Variants in MYEF2 observed in about 807,000 individuals in gnomAD.
The protein encoded by MYEF2 is myelin gene expression factor 2.
Under a neutral mutation model 75.2 loss-of-function variants are expected in MYEF2, and 37 were observed. That is an observed-to-expected ratio of 0.49 (90% CI 0.38 to 0.65). MYEF2 has a LOEUF of 0.65. Among genes scored for constraint, MYEF2 ranks in the 30% least tolerant of loss-of-function variants. MYEF2 has a pLI of 0.00. For missense variants in MYEF2, 634 were observed against 771.4 expected, an observed-to-expected ratio of 0.82 and a Z score of 2.11; for synonymous variants, 195 against 241.6, an observed-to-expected ratio of 0.81 and a Z score of 1.79.
At chr15:48,156,330 A>G (rs2039694537) in intron 9 of MYEF2, among the ~76,000 whole-genome samples, 1 of 152,176 alleles carries the variant, frequency 6.6e-6, no homozygotes, top group Admixed American at 6.5e-5. Flanking sequence ...TGAATACTCT[A>G]TTAAAACCGA....
At position 48,142,493 on chromosome 15, in the gene MYEF2, C is replaced by T; in HGVS notation, c.*415G>A. On this transcript the variant is annotated 3_prime_UTR_variant, in exon 17 of 17. Transcript: ENST00000324324. ...AGTAATTTAAAACCAACCAAAATCA[C>T]ATCCTAATTTTTCTGAGCCCTTTCT... is the stretch of plus-strand genomic sequence containing the variant. The T allele has an allele frequency of 1.6e-6, 1 of 614,252 alleles. No individual in the cohort carries two copies. The highest frequency in any genetic ancestry group is 2.6e-6 in the Non-Finnish European group (1 of 392,032). The allele number at this position is 614,252 out of a possible 1,614,324, so 38.1% of individuals were successfully genotyped here.
At chr15:48,163,600 T>C (rs2040031246) in intron 5 of MYEF2, among the ~76,000 whole-genome samples, 1 of 152,200 alleles carries the variant, frequency 6.6e-6, no homozygotes, top group East Asian at 1.9e-4. Context: ...AACAGTCTTC[T>C]ATAGAAAGAA....
chr15:48,164,968 G>A (rs1248536027), intron 5 of MYEF2, among the ~76,000 whole-genome samples: 1 of 152,098 alleles, frequency 6.6e-6, no homozygotes, highest in African/African-American at 2.4e-5. Flanking sequence ...GCAGTAGTCT[G>A]GAACCAAACC....
chr15:48,159,698 G>C lies in MYEF2; in HGVS notation c.632C>G (p.Ser211Cys), dbSNP rs140996409. 1.6e-4 allele frequency: 266 copies of C among 1,613,544 alleles called. No homozygotes were observed. Among genetic ancestry groups the C allele is most frequent in the Non-Finnish European group, 2.2e-4 (258 of 1,179,736 alleles). ...AGGAATGTTTGGATTATTGAGTATG[G>C]AAGGTGGTAAATTCATCAACCCTGA... ...MGSGLMNLPP[S>C]ILNNPNIPPE... Residue 211 changes from serine (S) to cysteine (C), a missense_variant, in exon 6 of 17, where the codon TCC (serine) becomes TGC (cysteine). By Grantham distance (112) the Ser-to-Cys change is moderately radical. Coordinates refer to ENST00000324324, the MANE Select transcript of MYEF2 (RefSeq NM_016132.5).
At position 48,136,508 on chromosome 15, in the gene MYEF2, A is replaced by G. The variant is rs535314741; in HGVS notation, c.*6400T>C. The G allele has an allele frequency of 3.9e-6, 2 of 516,864 alleles. No individual in the cohort carries two copies. Among genetic ancestry groups the G allele is most frequent in the African/African-American group, 2.0e-5 (1 of 50,980 alleles). The allele number at this position is 516,864 out of a possible 1,614,324, so 32.0% of individuals were successfully genotyped here. A position where few individuals can be genotyped will look rare whatever the true frequency, so the allele number is the denominator to read the frequency against. On this transcript the variant is annotated 3_prime_UTR_variant, in exon 17 of 17. Transcript: ENST00000324324. ...AAGTGTCCAGCTTTTATCAATAAAC[A>G]TAATAATGCTGTAATCAAGTCTGGA...
intron 3 of MYEF2, 28 bp from the exon 4 acceptor site, chr15:48,166,156 T>C (rs752269755): frequency 1.3e-6 from 2 of 1,546,474 alleles, no homozygotes; most frequent in Non-Finnish European, 1.8e-6. Context: ...TGTCAAAATA[T>C]GCAAAAGAAA....
Position 48,166,004 on chromosome 15 carries a change from C to T in MYEF2, c.454G>A (p.Glu152Lys). 1 of 1,597,452 alleles carries T rather than the reference C, an allele frequency of 6.3e-7. No individual in the cohort carries two copies. Among genetic ancestry groups the T allele is most frequent in the Non-Finnish European group, 8.5e-7 (1 of 1,171,042 alleles). Residue 152 changes from glutamate to lysine, a missense_variant, in exon 5 of 17, where the codon GAA becomes AAA. Transcript: ENST00000324324. ...GCGVVEFKDE[E>K]FVKKALETMN... ...GTTTCTAGGGCTTTCTTTACAAATT[C>T]TTCATCTTTGAATTCAACCACACTT...
At chr15:48,173,083 T>C (rs911077608) in intron 1 of MYEF2, among the ~76,000 whole-genome samples, 1 of 152,142 alleles carries the variant, frequency 6.6e-6, no homozygotes, top group African/African-American at 2.4e-5. Flanking sequence ...TGATCACAGA[T>C]GTGAAAATTC....
At chr15:48,160,036 C>T (rs1308298337) in intron 5 of MYEF2, among the ~76,000 whole-genome samples, 1 of 151,974 alleles carries the variant, frequency 6.6e-6, no homozygotes, top group Non-Finnish European at 1.5e-5. Context: ...TCACTAAAGC[C>T]ACTTAAGAAC....
intron 16 of MYEF2, among the ~76,000 whole-genome samples, chr15:48,144,724 T>C (rs1025193798): frequency 1.3e-5 from 2 of 151,846 alleles, no homozygotes; most frequent in Non-Finnish European, 2.9e-5. Context: ...CCTCTTAATA[T>C]CTTGAATGCT....
In MYEF2 at chr15:48,159,594, G is replaced by A. The variant is rs778293695; in HGVS notation, c.717+19C>T. The A allele has an allele frequency of 9.4e-6, 15 of 1,602,510 alleles. No individual in the cohort carries two copies. Among genetic ancestry groups the A allele is most frequent in the Non-Finnish European group, 1.3e-5 (15 of 1,174,076 alleles). Reference sequence around the variant, plus strand: ...CTATCTATCTGAATGACAAATTTTAGACTAAAGCTTGAACTTACATTGGCA... The same window carrying A: ...CTATCTATCTGAATGACAAATTTTAAACTAAAGCTTGAACTTACATTGGCA... On this transcript the variant is annotated intron_variant, in intron 6 of 16. Coordinates refer to ENST00000324324, the MANE Select transcript of MYEF2 (RefSeq NM_016132.5).
chr15:48,152,696 C>T (rs1241788992), intron 10 of MYEF2: 2 of 162,432 alleles, frequency 1.2e-5, no homozygotes, highest in South Asian at 2.0e-4. Flanking sequence ...CTAAACATCG[C>T]AGTTAAAAGA....
intron 10 of MYEF2, 91 bp from the exon 11 acceptor site, chr15:48,152,375 T>G (rs1359264533): frequency 9.4e-7 from 1 of 1,064,466 alleles, no homozygotes; most frequent in African/African-American, 1.6e-5. Context: ...TAGATACCAC[T>G]GGTATAACCA....
intron 14 of MYEF2, among the ~76,000 whole-genome samples, chr15:48,150,247 T>C (rs2039441531): frequency 6.6e-6 from 1 of 151,718 alleles, no homozygotes; most frequent in South Asian, 2.1e-4. Flanking sequence ...AACACTGAGA[T>C]AAAAGAGGAA....
intron 1 of MYEF2, among the ~76,000 whole-genome samples, chr15:48,170,372 C>T (rs1169284432): frequency 2.0e-5 from 3 of 151,914 alleles, no homozygotes; most frequent in African/African-American, 4.8e-5. Flanking sequence ...GTGATCCACC[C>T]GCCTCGGCCT....
chr15:48,158,891 T>C lies in MYEF2; in HGVS notation c.749A>G (p.Lys250Arg). 6.2e-7 allele frequency: 1 copy of C among 1,613,590 alleles called. No homozygotes were observed. The highest frequency in any genetic ancestry group is 8.5e-7 in the Non-Finnish European group (1 of 1,179,706). Residue 250 changes from lysine (K) to arginine (R), a missense_variant, in exon 7 of 17, where the codon AAG (lysine) becomes AGG (arginine). Physicochemically the swap from Lys to Arg is conservative, Grantham distance 26 (BLOSUM62 2). Transcript: ENST00000324324. ...LDFKVGWKKL[K>R]EVFSIAGTVK... is the part of the protein sequence containing the mutation. ...AGTTCCAGCTATGCTGAACACTTCCTTTAGCTTCTTCCAACCAACTTTGAA... is the reference window on the plus strand; with the variant it reads ...AGTTCCAGCTATGCTGAACACTTCCCTTAGCTTCTTCCAACCAACTTTGAA...
At position 48,165,974 on chromosome 15, in the gene MYEF2, T is replaced by C. The variant is rs763551070; in HGVS notation, c.484A>G (p.Asn162Asp). 3.8e-6 allele frequency: 6 copies of C among 1,595,548 alleles called. No individual in the cohort carries two copies. In the South Asian group the frequency reaches 6.8e-5, roughly 18 times the overall value. Reference sequence around the variant, plus strand: ...GGTCTTCCACTAAGATCATATTTGTTCATAGTTTCTAGGGCTTTCTTTACA... The same window carrying C: ...GGTCTTCCACTAAGATCATATTTGTCCATAGTTTCTAGGGCTTTCTTTACA... ...EFVKKALETMNKYDLSGRPLN... is the reference protein window; with the variant it reads ...EFVKKALETMDKYDLSGRPLN... Residue 162 changes from asparagine to aspartate, a missense_variant, in exon 5 of 17, where the codon AAC (asparagine) becomes GAC (aspartate). Physicochemically the swap from Asn to Asp is conservative, Grantham distance 23. Transcript: ENST00000324324.
intron 9 of MYEF2, among the ~76,000 whole-genome samples, chr15:48,156,362 C>T (rs897712666): frequency 1.3e-5 from 2 of 150,680 alleles, no homozygotes; most frequent in Admixed American, 6.6e-5. Flanking sequence ...CAAAATTAAC[C>T]AAGAAAAAAA....
chr15:48,154,136 T>C, intron 9 of MYEF2: 5 of 321,416 alleles, frequency 1.6e-5, no homozygotes, highest in Non-Finnish European at 2.9e-5. Flanking sequence ...GTACACCTTA[T>C]ACCCCACTTA....
Sources: gnomAD v4.1 joint callset for allele counts (sites outside exome capture counted in the v4.1 genomes callset) on GRCh38, gnomAD v4.1.1 for gene constraint, MANE v1.5 for transcripts, NCBI Gene and HGNC (gene_info 2026-07-23, HGNC 2026-07-21) for gene names.